RIN3: variants seen among roughly 807,000 people sequenced by gnomAD.
RIN3 encodes RAB5 interacting protein 3.
A neutral mutation model predicts 76.3 loss-of-function variants in RIN3; 54 were observed. That is an observed-to-expected ratio of 0.71 (90% confidence interval 0.57 to 0.89). The LOEUF (loss-of-function observed/expected upper bound fraction) is 0.89. Ranked by LOEUF, RIN3 falls within the 40% of genes least tolerant of loss-of-function variation. The probability of loss-of-function intolerance (pLI) is 0.00; values close to 1 mark genes in which losing one functional copy is unlikely to be tolerated. For synonymous variants in RIN3, 576 were observed against 564.0 expected, an observed-to-expected ratio of 1.02 and a Z score of -0.30; for missense variants, 1,256 against 1,322.1, an observed-to-expected ratio of 0.95 and a Z score of 0.78.
chr14:92,643,338 C>T lies in RIN3; in HGVS notation c.532+2009C>T, dbSNP rs553104245. Reference sequence around the variant, plus strand: ...AAGTGCTGGGATTACAGGCGTGAGCCACCACACCCGGCCGCCTCTTAGCTC... The same window carrying T: ...AAGTGCTGGGATTACAGGCGTGAGCTACCACACCCGGCCGCCTCTTAGCTC... On this transcript the variant is annotated intron_variant, in intron 5 of 9. Coordinates refer to ENST00000216487, the MANE Select transcript of RIN3 (RefSeq NM_024832.5). The surrounding 1 kb of genome is among the most constrained non-coding windows in gnomAD (Gnocchi z 4.8). Among the ~76,000 whole-genome samples the T allele has an allele frequency of 3.9e-5, 6 of 152,326 alleles. No homozygotes were observed. In the South Asian group the frequency reaches 1.0e-3, roughly 26 times the overall value.
chr14:92,550,248 C>T (rs1395189476), intron 1 of RIN3, among the ~76,000 whole-genome samples: 1 of 152,058 alleles, frequency 6.6e-6, no homozygotes, highest in African/African-American at 2.4e-5. Flanking sequence ...GGAAGAGAAG[C>T]GTTATAACTC....
At chr14:92,642,450 C>T (rs1194246855) in intron 5 of RIN3, among the ~76,000 whole-genome samples, 1 of 152,056 alleles carries the variant, frequency 6.6e-6, no homozygotes, top group Non-Finnish European at 1.5e-5. Flanking sequence ...GCTCAGGAGC[C>T]GTTGTAGGCC....
intron 1 of RIN3, among the ~76,000 whole-genome samples, chr14:92,544,781 A>G (rs985630981): frequency 1.3e-5 from 2 of 152,086 alleles, no homozygotes; most frequent in African/African-American, 2.4e-5. Context: ...ATGCACCCAT[A>G]ATTCAGCTTT....
At chr14:92,684,898 T>G in intron 8 of RIN3, 89 bp from the exon 9 acceptor site, 10 of 1,393,202 alleles carry the variant, frequency 7.2e-6, no homozygotes, top group Non-Finnish European at 1.0e-5. Flanking sequence ...TGGGCGGGGC[T>G]TGGAGGAGGT....
At chr14:92,628,792 A>AT (rs199573473) in intron 4 of RIN3, among the ~76,000 whole-genome samples, 5 of 152,252 alleles carry the variant, frequency 3.3e-5, no homozygotes, top group Non-Finnish European at 5.9e-5. Context: ...CTCAGAAAAT[A>AT]TTTTTTTTAA....
At chr14:92,647,900 G>C (rs1320660621) in intron 5 of RIN3, among the ~76,000 whole-genome samples, 3 of 152,126 alleles carry the variant, frequency 2.0e-5, no homozygotes, top group East Asian at 1.9e-4. Context: ...CGTGGCCTCA[G>C]TCTGAGGCCA....
chr14:92,545,362 G>A (rs1314314378), intron 1 of RIN3, among the ~76,000 whole-genome samples: 4 of 151,630 alleles, frequency 2.6e-5, no homozygotes, highest in Non-Finnish European at 5.9e-5. Context: ...CACCTGCCTC[G>A]GCCTCCCAAA....
chr14:92,666,998 G>A (rs1483417646), intron 7 of RIN3, among the ~76,000 whole-genome samples: 1 of 152,144 alleles, frequency 6.6e-6, no homozygotes, highest in Admixed American at 6.5e-5. Context: ...ACCGGGTGGT[G>A]ATAGATTCCC....
chr14:92,514,373 T>G lies in RIN3; in HGVS notation c.44+397T>G, dbSNP rs991935833. On this transcript the variant is annotated intron_variant, in intron 1 of 9. Coordinates refer to ENST00000216487, the MANE Select transcript of RIN3 (RefSeq NM_024832.5). The surrounding 1 kb of genome is among the most constrained non-coding windows in gnomAD (Gnocchi z 7.2). ...ACTCGCGGTCCCAGCCCCGCCAGCC[T>G]GCTGCACCCGCTGCTCTGCGAGTCG... 6.6e-6 allele frequency among the ~76,000 whole-genome samples: 1 copy of G among 152,154 alleles called. No homozygotes were observed. The highest frequency in any genetic ancestry group is 2.4e-5 in the African/African-American group (1 of 41,448).
chr14:92,572,665 T>C (rs1315198849), intron 2 of RIN3, among the ~76,000 whole-genome samples: 2 of 152,124 alleles, frequency 1.3e-5, no homozygotes, highest in Non-Finnish European at 2.9e-5. Flanking sequence ...ATGGTCAGTC[T>C]TTCGTAACTG....
intron 3 of RIN3, among the ~76,000 whole-genome samples, chr14:92,608,817 G>C (rs998362268): frequency 6.6e-6 from 1 of 152,130 alleles, no homozygotes; most frequent in Non-Finnish European, 1.5e-5. Flanking sequence ...TTACAGGTGT[G>C]AGCCACCGTG....
chr14:92,630,445 CTG>C (rs1449106039), intron 4 of RIN3, among the ~76,000 whole-genome samples: 3 of 152,212 alleles, frequency 2.0e-5, no homozygotes, highest in African/African-American at 7.2e-5. Context: ...TGAATTGAGA[CTG>C]TGCCACTGCA....
At chr14:92,597,277 A>G (rs1323517473) in intron 3 of RIN3, among the ~76,000 whole-genome samples, 1 of 152,244 alleles carries the variant, frequency 6.6e-6, no homozygotes. Context: ...CACGTGTAGC[A>G]TAGATTCCCA....
intron 4 of RIN3, among the ~76,000 whole-genome samples, chr14:92,638,017 AACACCTAGCCCC>A (rs113612200): frequency 6.7e-4 from 102 of 152,208 alleles, no homozygotes; most frequent in African/African-American, 2.1e-3. Context: ...AAGCCTCCAA[AACACCTAGCCCC>A]ACACCTGACA....
chr14:92,616,359 G>C (rs1885966208), intron 4 of RIN3, among the ~76,000 whole-genome samples: 1 of 152,198 alleles, frequency 6.6e-6, no homozygotes, highest in Non-Finnish European at 1.5e-5. Context: ...CCCTCTAGAG[G>C]AGTCCACTGG....
At chr14:92,536,417 G>A (rs1427413559) in intron 1 of RIN3, among the ~76,000 whole-genome samples, 1 of 152,168 alleles carries the variant, frequency 6.6e-6, no homozygotes, top group East Asian at 1.9e-4. Flanking sequence ...GAATTTGGCA[G>A]TGATTAGAAA....
chr14:92,561,052 TATATCTGCCATATATATGCCATAA>T, intron 2 of RIN3, among the ~76,000 whole-genome samples: 1 of 105,908 alleles, frequency 9.4e-6, no homozygotes, highest in African/African-American at 3.3e-5. Context: ...AAAATATATA[TATATCTGCCATATATATGCCATAA>T]ATATATATAT....
At chr14:92,653,640 C>T (rs566064675) in intron 6 of RIN3, among the ~76,000 whole-genome samples, 1 of 152,340 alleles carries the variant, frequency 6.6e-6, no homozygotes, top group East Asian at 1.9e-4. Flanking sequence ...CCCTCACCAG[C>T]CTCGAATCCA....
intron 7 of RIN3, among the ~76,000 whole-genome samples, chr14:92,668,495 G>T (rs988150348): frequency 4.6e-5 from 7 of 152,178 alleles, no homozygotes. Flanking sequence ...CAGGGACACA[G>T]TGTAGCTCAG....
Sources: allele counts gnomAD v4.1 joint callset (sites outside exome capture counted in the v4.1 genomes callset), GRCh38; gene constraint gnomAD v4.1.1; non-coding constraint Gnocchi (gnomAD v3.1); transcripts MANE v1.5; gene names NCBI Gene and HGNC (gene_info 2026-07-23, HGNC 2026-07-21).